The following RUNX3 variants were observed in gnomAD, a reference collection of about 807,000 sequenced individuals.
RUNX3 encodes the protein runt-related transcription factor 3.
In RUNX3, 10 loss-of-function variants were observed where a neutral mutation model predicts 27.7. The ratio of observed to expected loss-of-function variants is 0.36; its 90% CI spans 0.22 to 0.61. The LOEUF is 0.61. Among genes scored for constraint, RUNX3 ranks in the 20% least tolerant of loss-of-function variants. RUNX3 has a pLI of 0.72. For synonymous variants in RUNX3, 270 were observed against 269.2 expected, an observed-to-expected ratio of 1.00 and a Z score of -0.03; for missense variants, 469 against 629.5, an observed-to-expected ratio of 0.75 and a Z score of 2.73.
rs1640686719 is a variant in RUNX3 at position 24,907,346 on chromosome 1, T to A, written c.616A>T (p.Met206Leu). 1 of 1,613,666 alleles carries A rather than the reference T, an allele frequency of 6.2e-7. No individual in the cohort carries two copies. The highest frequency in any genetic ancestry group is 1.7e-5 in the Admixed American group (1 of 59,988). ...DRFGDLERLR[M>L]RVTPSTPSPR... ...CTGGGTGTGCTCGGTGTCACCCGCA[T>A]GCGCAGCCGTTCCAGGTCCCCAAAG... The change falls in exon 4 of 5, where the codon ATG becomes TTG. Residue 206 changes from methionine (M) to leucine (L), a missense_variant. By Grantham distance (15) the Met-to-Leu change is conservative. Transcript: ENST00000308873.
At chr1:24,960,482 A>G (rs1642078452) in intron 2 of RUNX3, among the ~76,000 whole-genome samples, 1 of 152,186 alleles carries the variant, frequency 6.6e-6, no homozygotes, top group South Asian at 2.1e-4. Context: ...TTTTTGGGAA[A>G]TGACTGACTA....
intron 3 of RUNX3, among the ~76,000 whole-genome samples, chr1:24,909,162 CT>C (rs1640751033): frequency 6.6e-6 from 1 of 152,196 alleles, no homozygotes; most frequent in Non-Finnish European, 1.5e-5. Context: ...CCGAGGGACA[CT>C]TCTGGAGTGA....
intron 2 of RUNX3, among the ~76,000 whole-genome samples, chr1:24,947,450 A>T (rs888772633): frequency 2.0e-5 from 3 of 152,136 alleles, no homozygotes; most frequent in African/African-American, 7.2e-5. Context: ...GTGGGTGCAG[A>T]TACTCAGTGC....
At chr1:24,944,243 T>C (rs1172536266) in intron 2 of RUNX3, among the ~76,000 whole-genome samples, 1 of 152,280 alleles carries the variant, frequency 6.6e-6, no homozygotes, top group Middle Eastern at 3.4e-3. Context: ...TGACCTCATC[T>C]GCTTCCACTC....
In RUNX3 at chr1:24,919,564, C is replaced by T. The variant is rs184605883; in HGVS notation, c.440-220G>A. 13 of 466,246 alleles carry T rather than the reference C, an allele frequency of 2.8e-5. No homozygotes were observed. In the Admixed American group the frequency reaches 3.2e-4, roughly 12 times the overall value. 28.9% of individuals were successfully genotyped at this position (466,246 alleles called of 1,614,324 possible). A position where few individuals can be genotyped will look rare whatever the true frequency, so the allele number is the denominator to read the frequency against. ...TCTGACGCCAACTTTGTCAACCCCC[C>T]GCCCCATGCCGTGACCACCCTGGCT... On this transcript the variant is annotated intron_variant, in intron 2 of 4. Transcript: ENST00000308873.
At chr1:24,933,587 T>C (rs933422454), upstream of RUNX3, among the ~76,000 whole-genome samples, 1 of 151,670 alleles carries the variant, frequency 6.6e-6, no homozygotes, top group African/African-American at 2.4e-5. Context: ...CTGGGGGAGG[T>C]AAGGACTGGC....
chr1:24,912,726 C>T (rs1176084882), intron 3 of RUNX3, among the ~76,000 whole-genome samples: 2 of 151,736 alleles, frequency 1.3e-5, no homozygotes, highest in African/African-American at 2.4e-5. Context: ...AGGCTCTGGA[C>T]AGCCAGTGAG....
chr1:24,922,163 CCTTT>C (rs771093436), intron 2 of RUNX3, among the ~76,000 whole-genome samples: 38 of 150,746 alleles, frequency 2.5e-4, no homozygotes, highest in Non-Finnish European at 5.3e-4. Context: ...TTCCTTCCTT[CCTTT>C]CCTTTCTTTT....
chr1:24,936,171 C>T (rs1370626751), intron 2 of RUNX3, among the ~76,000 whole-genome samples: 1 of 152,246 alleles, frequency 6.6e-6, no homozygotes, highest in Non-Finnish European at 1.5e-5. Context: ...GGGTTCAGCT[C>T]TGGCGGGCAG....
intron 3 of RUNX3, among the ~76,000 whole-genome samples, chr1:24,917,086 A>G (rs1269748793): frequency 1.3e-5 from 2 of 152,076 alleles, no homozygotes; most frequent in Non-Finnish European, 2.9e-5. Flanking sequence ...GGCTGGGCTG[A>G]GCATGGAGGG....
intron 2 of RUNX3, among the ~76,000 whole-genome samples, chr1:24,948,370 C>A (rs1641666214): frequency 6.6e-6 from 1 of 152,146 alleles, no homozygotes; most frequent in Admixed American, 6.5e-5. Flanking sequence ...TGTTCACATG[C>A]ACATGGTGGG....
chr1:24,903,235 G>A (rs1160933626), intron 4 of RUNX3, among the ~76,000 whole-genome samples: 1 of 152,210 alleles, frequency 6.6e-6, no homozygotes, highest in African/African-American at 2.4e-5. Context: ...CTCTGCTGGG[G>A]ACACACGTGC....
intron 2 of RUNX3, among the ~76,000 whole-genome samples, chr1:24,920,271 T>C (rs1225541080): frequency 6.6e-6 from 1 of 152,120 alleles, no homozygotes; most frequent in Non-Finnish European, 1.5e-5. Context: ...TTTATAAAAA[T>C]CTTTGTCTGC....
intron 3 of RUNX3, among the ~76,000 whole-genome samples, chr1:24,918,974 T>G (rs778027665): frequency 5.9e-5 from 9 of 152,254 alleles, no homozygotes; most frequent in Admixed American, 3.9e-4. Flanking sequence ...TCTGAAAGCT[T>G]TCTCCATCCT....
rs1052040637 is a variant in RUNX3 at position 24,901,691 on chromosome 1, TGCAGGGG to T, written c.*424_*430del. ...GGGGATGCAGGGGCTCCAACGAAGGTGCAGGGGTCGGGAGGTTTCCCAGGGCCTGAGG... is the reference window on the plus strand; with the variant it reads ...GGGGATGCAGGGGCTCCAACGAAGGTTCGGGAGGTTTCCCAGGGCCTGAGG... On this transcript the variant is annotated 3_prime_UTR_variant, in exon 5 of 5. Transcript: ENST00000308873. 4 of 170,090 alleles carry T rather than the reference TGCAGGGG, an allele frequency of 2.4e-5. No individual in the cohort carries two copies. Among genetic ancestry groups the T allele is most frequent in the Non-Finnish European group, 5.0e-5 (4 of 79,968 alleles). 10.5% of individuals were successfully genotyped at this position (170,090 alleles called of 1,614,324 possible).
chr1:24,948,092 C>T (rs1406197061), intron 2 of RUNX3, among the ~76,000 whole-genome samples: 1 of 152,252 alleles, frequency 6.6e-6, no homozygotes, highest in Non-Finnish European at 1.5e-5. Context: ...TCCTGGATTC[C>T]TGGAGGCCTC....
intron 2 of RUNX3, among the ~76,000 whole-genome samples, chr1:24,955,816 G>C (rs576547607): frequency 2.6e-5 from 4 of 152,366 alleles, no homozygotes; most frequent in African/African-American, 9.6e-5. Context: ...GGAATGTGGC[G>C]CCCCAGGGAG....
At chr1:24,925,694 A>T (rs1337594366) in intron 2 of RUNX3, among the ~76,000 whole-genome samples, 1 of 152,164 alleles carries the variant, frequency 6.6e-6, no homozygotes, top group African/African-American at 2.4e-5. Flanking sequence ...AGTTCCTCAG[A>T]CATCGGAACT....
chr1:24,948,701 A>C (rs183433996), intron 2 of RUNX3, among the ~76,000 whole-genome samples: 1 of 145,818 alleles, frequency 6.9e-6, no homozygotes, highest in Non-Finnish European at 1.5e-5. Context: ...CATGGGAGAG[A>C]AGGGTTTGTA....
Sources: gnomAD v4.1 joint callset for allele counts (sites outside exome capture counted in the v4.1 genomes callset) on GRCh38, gnomAD v4.1.1 for gene constraint, MANE v1.5 for transcripts, NCBI Gene and HGNC (gene_info 2026-07-23, HGNC 2026-07-21) for gene names.